Variants in TENM1 observed in about 807,000 individuals in gnomAD.
TENM1 encodes teneurin transmembrane protein 1.
A neutral mutation model predicts 174.8 loss-of-function variants in TENM1; 35 were observed. The observed-to-expected ratio is 0.20, with a 90% CI of 0.15 to 0.27. TENM1 has a LOEUF of 0.27. Ranked by LOEUF, TENM1 falls within the 10% of genes least tolerant of loss-of-function variation. TENM1 has a pLI of 1.00. For missense variants in TENM1, 1,633 were observed against 2,130.1 expected, an observed-to-expected ratio of 0.77 and a Z score of 4.59; for synonymous variants, 781 against 798.7, an observed-to-expected ratio of 0.98 and a Z score of 0.37.
At chrX:125,158,544 G>C in the TENM1 span, among the ~76,000 whole-genome samples, 36 of 110,355 alleles carry the variant, frequency 3.3e-4, no homozygotes, top group African/African-American at 1.2e-3. Context: ...ATATCAATCA[G>C]AAAAATTTAG....
intron 3 of TENM1, among the ~76,000 whole-genome samples, chrX:124,860,322 G>A (rs1223413085): frequency 8.9e-6 from 1 of 111,906 alleles, no homozygotes; most frequent in Non-Finnish European, 1.9e-5. Context: ...CAATGGAAGA[G>A]AGTAGTGCTA....
At chrX:124,404,572 CT>C (rs11346153) in intron 27 of TENM1, among the ~76,000 whole-genome samples, 17,943 of 110,741 alleles carry the variant, frequency 0.16, 1,108 homozygotes, top group Middle Eastern at 0.23. Context: ...TTCCTCTTGT[CT>C]TTGCCCAAAT....
intron 1 of TENM1, among the ~76,000 whole-genome samples, chrX:124,906,873 T>C (rs181317927): frequency 2.7e-5 from 3 of 111,135 alleles, no homozygotes; most frequent in East Asian, 5.6e-4. Context: ...CAAACTAATA[T>C]ATAGTGAGGG....
chrX:124,609,885 G>A (rs1360465399), intron 11 of TENM1, among the ~76,000 whole-genome samples: 2 of 111,952 alleles, frequency 1.8e-5, no homozygotes, highest in African/African-American at 6.5e-5. Flanking sequence ...AGTCACCATA[G>A]GAGGTGGATA....
chrX:125,114,973 T>C, the TENM1 span, among the ~76,000 whole-genome samples: 1 of 111,919 alleles, frequency 8.9e-6, no homozygotes, highest in Non-Finnish European at 1.9e-5. Context: ...CTGATGAACA[T>C]TGATGTGAAA....
the TENM1 span, among the ~76,000 whole-genome samples, chrX:125,154,432 A>G: frequency 2.7e-5 from 3 of 112,001 alleles, no homozygotes; most frequent in Non-Finnish European, 3.8e-5. Context: ...GTATAACCCA[A>G]ACACCTTACC....
At position 124,453,397 on chromosome X, in the gene TENM1, G is replaced by A. The variant is rs201689937; in HGVS notation, c.4044C>T (p.Gly1348=). The change falls in exon 23 of 32, where the codon GGC becomes GGT. Residue 1348 remains glycine (G), a synonymous_variant. Coordinates refer to ENST00000422452, the Ensembl canonical transcript of TENM1. Reference sequence around the variant, plus strand: ...GTTGTGTGGAAGTCAGACCATTTGAGCCGATTACAGTTGTGATCACAGCAT... The same window carrying A: ...GTTGTGTGGAAGTCAGACCATTTGAACCGATTACAGTTGTGATCACAGCAT... 10 of 1,208,956 alleles carry A rather than the reference G, an allele frequency of 8.3e-6. No homozygotes were observed. In the Admixed American group the frequency reaches 1.1e-4, roughly 13 times the overall value.
At chrX:124,531,192 G>A (rs2048099749) in intron 15 of TENM1, among the ~76,000 whole-genome samples, 1 of 98,249 alleles carries the variant, frequency 1.0e-5, no homozygotes, top group African/African-American at 3.8e-5. Context: ...GCTCAATCTT[G>A]GATTAAAGGG....
chrX:124,866,752 TGACA>T (rs754798824), intron 3 of TENM1, among the ~76,000 whole-genome samples: 9 of 109,682 alleles, frequency 8.2e-5, no homozygotes, highest in South Asian at 3.8e-4. Context: ...TAAACAAGAT[TGACA>T]GACAAAGAAA....
intron 11 of TENM1, among the ~76,000 whole-genome samples, chrX:124,582,683 G>A (rs147684787): frequency 0.043 from 4,795 of 111,686 alleles, 112 homozygotes; most frequent in Non-Finnish European, 0.066. Context: ...GACAGTGGGC[G>A]CAGGACAGTG....
chrX:124,814,640 T>C, intron 3 of TENM1, among the ~76,000 whole-genome samples: 1 of 111,669 alleles, frequency 9.0e-6, no homozygotes, highest in South Asian at 3.7e-4. Context: ...TGTCCCATAT[T>C]CAGCTTCTCA....
chrX:124,430,431 T>C (rs899280177), intron 23 of TENM1, among the ~76,000 whole-genome samples: 2 of 112,452 alleles, frequency 1.8e-5, no homozygotes, highest in Non-Finnish European at 3.8e-5. Context: ...AGTTAACCTA[T>C]CTGAGCTTCT....
chrX:124,668,460 C>A (rs1443986544), intron 6 of TENM1, among the ~76,000 whole-genome samples: 1 of 112,002 alleles, frequency 8.9e-6, no homozygotes, highest in Non-Finnish European at 1.9e-5. Flanking sequence ...AAATGTCCAT[C>A]AATGATAGAC....
At chrX:124,549,928 T>C (rs2048521561) in intron 14 of TENM1, among the ~76,000 whole-genome samples, 1 of 109,538 alleles carries the variant, frequency 9.1e-6, no homozygotes, top group Admixed American at 9.8e-5. Context: ...TTTTTTCTAA[T>C]TGTTCAGAAT....
intron 20 of TENM1, among the ~76,000 whole-genome samples, chrX:124,492,511 T>A (rs1298031499): frequency 3.6e-5 from 4 of 110,469 alleles, no homozygotes; most frequent in Admixed American, 9.7e-5. Flanking sequence ...TTTTTTTTTT[T>A]AAAAGTGAAT....
chrX:124,669,581 T>C (rs931495418), intron 6 of TENM1, among the ~76,000 whole-genome samples: 2 of 111,115 alleles, frequency 1.8e-5, no homozygotes, highest in African/African-American at 6.5e-5. Context: ...GCTATGTTTT[T>C]ACTTGGTAAG....
At chrX:124,780,930 T>C (rs1050846433) in intron 3 of TENM1, among the ~76,000 whole-genome samples, 5 of 111,656 alleles carry the variant, frequency 4.5e-5, no homozygotes, top group African/African-American at 1.6e-4. Flanking sequence ...TCATCTTTAG[T>C]TTGTGTGGTC....
the TENM1 span, among the ~76,000 whole-genome samples, chrX:125,134,430 T>C: frequency 8.9e-6 from 1 of 112,538 alleles, no homozygotes; most frequent in African/African-American, 3.2e-5. Flanking sequence ...GTTGCTTGTA[T>C]GTTTGGACTC....
chrX:124,731,209 C>T (rs1603087201), intron 4 of TENM1, among the ~76,000 whole-genome samples: 1 of 111,360 alleles, frequency 9.0e-6, no homozygotes, highest in Non-Finnish European at 1.9e-5. Flanking sequence ...TATATTTAAA[C>T]CAAGAAGAGC....
Sources: allele counts gnomAD v4.1 joint callset (sites outside exome capture counted in the v4.1 genomes callset), GRCh38; gene constraint gnomAD v4.1.1; transcripts MANE v1.5; gene names NCBI Gene and HGNC (gene_info 2026-07-23, HGNC 2026-07-21).